KCTD15: variants seen among roughly 807,000 people sequenced by gnomAD.
KCTD15 encodes the protein potassium channel tetramerization domain containing 15.
In KCTD15, 11 loss-of-function variants were observed where a neutral mutation model predicts 27.2. The observed-to-expected ratio is 0.41, with a 90% confidence interval of 0.25 to 0.67. The LOEUF (loss-of-function observed/expected upper bound fraction) is 0.67, where lower values mean the gene tolerates loss of function less well. Among genes scored for constraint, KCTD15 ranks in the 30% least tolerant of loss-of-function variants. The pLI, the probability that KCTD15 is intolerant of heterozygous loss-of-function variation, is 0.35. For missense variants in KCTD15, 350 were observed against 409.3 expected (o/e 0.86, Z 1.25); for synonymous variants, 163 against 176.0 (o/e 0.93, Z 0.58).
chr19:33,812,815 G>C lies in KCTD15; in HGVS notation c.719G>C (p.Gly240Ala), dbSNP rs1245728291. ...GTCCTGGAGCGGCTGTTCCAGAGGG[G>C]TTTCAGCGTGGCTGCGTCCTGTGGG... ...VQVLERLFQR[G>A]FSVAASCGGG... Residue 240 changes from glycine to alanine, a missense_variant, in exon 7 of 7, where the codon GGT (glycine) becomes GCT (alanine). Gly to Ala is a moderately conservative substitution (Grantham distance 60). This residue lies in a region of KCTD15 where 219 missense variants were observed against 234.9 expected (regional missense o/e 0.93). Coordinates refer to ENST00000683859, the MANE Select transcript of KCTD15 (RefSeq NM_001129994.2). 2.7e-6 allele frequency: 4 copies of C among 1,502,046 alleles called. No individual in the cohort carries two copies. Among genetic ancestry groups the C allele is most frequent in the African/African-American group, 1.4e-5 (1 of 71,596 alleles). The allele number at this position is 1,502,046 out of a possible 1,614,324, so 93.0% of individuals were successfully genotyped here.
chr19:33,798,003 C>T (rs1477955783), intron 1 of KCTD15, among the ~76,000 whole-genome samples: 1 of 152,158 alleles, frequency 6.6e-6, no homozygotes, highest in Non-Finnish European at 1.5e-5. Flanking sequence ...GGCCACCCCG[C>T]CCCGCGGCGC....
At position 33,799,875 on chromosome 19, in the gene KCTD15, C is replaced by G. The variant is rs931055184; in HGVS notation, c.-27-553C>G. On this transcript the variant is annotated intron_variant, in intron 2 of 6. Transcript: ENST00000683859. ...GAGGCGGCTTCCCAAGTGACTTGCC[C>G]TCATCCATGTGCCTGGACTTCTGCT... 3.3e-5 allele frequency among the ~76,000 whole-genome samples: 5 copies of G among 152,218 alleles called. No individual in the cohort carries two copies. The East Asian group carries it at 9.7e-4, about 29-fold the overall frequency.
At chr19:33,798,952 A>G (rs1363529908) in intron 2 of KCTD15, among the ~76,000 whole-genome samples, 186 bp downstream of exon 2, 1 of 152,190 alleles carries the variant, frequency 6.6e-6, no homozygotes, top group Non-Finnish European at 1.5e-5. Flanking sequence ...CTTCCTGTTC[A>G]GTTTATCCTC....
intron 6 of KCTD15, chr19:33,812,124 G>C: frequency 7.8e-7 from 1 of 1,280,016 alleles, no homozygotes; most frequent in Non-Finnish European, 9.9e-7. Context: ...TTGCAGGGAA[G>C]AGGGCCCCCT....
chr19:33,802,966 C>G lies in KCTD15; in HGVS notation c.242+1624C>G, dbSNP rs74569093. Among the ~76,000 whole-genome samples, 1,350 of 152,062 alleles carry G rather than the reference C, an allele frequency of 8.9e-3. 19 individuals are homozygous for G. The highest frequency in any genetic ancestry group is 0.031 in the African/African-American group (1,284 of 41,478). Reference sequence around the variant, plus strand: ...AGAGCAGGAGGGCAGGGGGCCATCTCCCCCCACCCAGCCCCACTGTGCTGC... The same window carrying G: ...AGAGCAGGAGGGCAGGGGGCCATCTGCCCCCACCCAGCCCCACTGTGCTGC... On this transcript the variant is annotated intron_variant, in intron 4 of 6. Transcript: ENST00000683859.
chr19:33,809,495 G>A (rs191694426), intron 5 of KCTD15, among the ~76,000 whole-genome samples: 159 of 152,180 alleles, frequency 1.0e-3, no homozygotes, highest in Middle Eastern at 3.4e-3. Flanking sequence ...CCCCTGCATG[G>A]GAGAGCTGGT....
intron 5 of KCTD15, among the ~76,000 whole-genome samples, chr19:33,809,487 C>A (rs1044330320): frequency 6.6e-6 from 1 of 151,960 alleles, no homozygotes; most frequent in Non-Finnish European, 1.5e-5. Context: ...GGTTTCTGCC[C>A]CTGCATGGGA....
upstream of KCTD15, among the ~76,000 whole-genome samples, chr19:33,794,171 T>C (rs995626328): frequency 6.6e-6 from 1 of 152,356 alleles, no homozygotes; most frequent in East Asian, 1.9e-4. Context: ...TCTTAAACAA[T>C]GACACTTAGT....
rs1402378916 is a variant in KCTD15, at chr19:33,813,365, G to A, written c.*417G>A. ...TCCGAGAGATGGCTTATTTTCTACA[G>A]TATTTAAAATGGATGCAGCCCTAAC... On this transcript the variant is annotated 3_prime_UTR_variant, in exon 7 of 7. Coordinates refer to ENST00000683859, the MANE Select transcript of KCTD15 (RefSeq NM_001129994.2). The A allele has an allele frequency of 2.1e-6, 1 of 470,270 alleles. No homozygotes were observed. Among genetic ancestry groups the A allele is most frequent in the Admixed American group, 2.3e-5 (1 of 42,906 alleles). 29.1% of individuals were successfully genotyped at this position (470,270 alleles called of 1,614,324 possible).
chr19:33,799,928 G>A (rs1183187552), intron 2 of KCTD15, among the ~76,000 whole-genome samples: 1 of 152,146 alleles, frequency 6.6e-6, no homozygotes, highest in Admixed American at 6.6e-5. Flanking sequence ...CTGGCCAGAT[G>A]CAAGCTGTAT....
chr19:33,813,207 T>G lies in KCTD15; in HGVS notation c.*259T>G. ...CTGCCAGCTCTCCCAGCCCCTCAGC[T>G]TCGCAGCCTGGCGCAGCATCCTCTG... On this transcript the variant is annotated 3_prime_UTR_variant, in exon 7 of 7. Coordinates refer to ENST00000683859, the MANE Select transcript of KCTD15 (RefSeq NM_001129994.2). 1.6e-6 allele frequency: 1 copy of G among 631,602 alleles called. No individual in the cohort carries two copies. Among genetic ancestry groups the G allele is most frequent in the Non-Finnish European group, 2.9e-6 (1 of 345,876 alleles). The allele number at this position is 631,602 out of a possible 1,614,324, so 39.1% of individuals were successfully genotyped here.
At chr19:33,799,423 C>T (rs553383215) in intron 2 of KCTD15, among the ~76,000 whole-genome samples, 1 of 152,314 alleles carries the variant, frequency 6.6e-6, no homozygotes, top group South Asian at 2.1e-4. Context: ...AAGCCAGTGT[C>T]TGTGGATGTG....
At chr19:33,800,260 G>T (rs1195927057) in intron 2 of KCTD15, among the ~76,000 whole-genome samples, 168 bp from the exon 3 acceptor site, 2 of 152,176 alleles carry the variant, frequency 1.3e-5, no homozygotes, top group African/African-American at 4.8e-5. Context: ...GCTTTGGGGT[G>T]TGGAGACAGA....
In KCTD15 at chr19:33,813,374, A is replaced by G. The variant is rs1466023444; in HGVS notation, c.*426A>G. The G allele has an allele frequency of 2.1e-6, 1 of 466,260 alleles. No individual in the cohort carries two copies. Among genetic ancestry groups the G allele is most frequent in the East Asian group, 6.8e-5 (1 of 14,806 alleles). 28.9% of individuals were successfully genotyped at this position (466,260 alleles called of 1,614,324 possible). On this transcript the variant is annotated 3_prime_UTR_variant, in exon 7 of 7. Transcript: ENST00000683859. ...TGGCTTATTTTCTACAGTATTTAAA[A>G]TGGATGCAGCCCTAACTGCAAAAGT...
At chr19:33,797,477 G>T in intron 1 of KCTD15, 1 of 428,452 alleles carries the variant, frequency 2.3e-6, no homozygotes. Flanking sequence ...GTCCTCTGAC[G>T]CCCACCCCAC....
chr19:33,800,602 T>C, intron 3 of KCTD15, 82 bp downstream of exon 3: 1 of 1,285,602 alleles, frequency 7.8e-7, no homozygotes, highest in South Asian at 1.3e-5. Context: ...TGGCTGTCCT[T>C]CCTTGGGACC....
intron 5 of KCTD15, 55 bp from the exon 6 acceptor site, chr19:33,811,192 C>G: frequency 3.7e-5 from 15 of 406,292 alleles, no homozygotes; most frequent in East Asian, 2.2e-4. Flanking sequence ...TCTCCCCCTT[C>G]CCCCACCACC....
intron 4 of KCTD15, among the ~76,000 whole-genome samples, chr19:33,803,125 C>T (rs1975610442): frequency 6.6e-6 from 1 of 152,234 alleles, no homozygotes; most frequent in Non-Finnish European, 1.5e-5. Context: ...TTCCCCAGGG[C>T]TGGGGCTCAA....
intron 5 of KCTD15, among the ~76,000 whole-genome samples, chr19:33,809,764 G>A (rs771377154): frequency 8.5e-5 from 13 of 152,156 alleles, no homozygotes; most frequent in South Asian, 2.1e-4. Flanking sequence ...TCAGCTGCTC[G>A]GGAGGCTGAG....
Sources: allele counts gnomAD v4.1 joint callset (sites outside exome capture counted in the v4.1 genomes callset), GRCh38; gene constraint gnomAD v4.1.1; regional missense constraint gnomAD v4.1.1; transcripts MANE v1.5; gene names NCBI Gene and HGNC (gene_info 2026-07-23, HGNC 2026-07-21).